The following KLF12 variants were observed in gnomAD, a reference collection of about 807,000 sequenced individuals.
The protein encoded by KLF12 is Krueppel-like factor 12.
A neutral mutation model predicts 37.8 loss-of-function variants in KLF12; 9 were observed. The observed-to-expected ratio is 0.24, with a 90% CI of 0.14 to 0.42. The LOEUF (loss-of-function observed/expected upper bound fraction) is 0.42, where lower values mean the gene tolerates loss of function less well. KLF12 is among the 10% of genes least tolerant of loss of function. The pLI is 1.00. For missense variants in KLF12, 411 were observed against 516.0 expected (o/e 0.80, Z 1.97); for synonymous variants, 208 against 202.1 (o/e 1.03, Z -0.25).
chr13:73,983,212 A>C (rs899348065), intron 2 of KLF12, among the ~76,000 whole-genome samples: 2 of 152,148 alleles, frequency 1.3e-5, no homozygotes, highest in African/African-American at 4.8e-5. Context: ...CTATGGCTCA[A>C]CCAGAACGCC....
the KLF12 span, among the ~76,000 whole-genome samples, chr13:74,271,261 G>C: frequency 2.6e-5 from 4 of 152,074 alleles, no homozygotes; most frequent in African/African-American, 9.7e-5. Context: ...AAAAGGTTTG[G>C]GACTGCTAAA....
the KLF12 span, among the ~76,000 whole-genome samples, chr13:74,219,408 T>C: frequency 6.6e-6 from 1 of 152,366 alleles, no homozygotes; most frequent in Non-Finnish European, 1.5e-5. Flanking sequence ...ATACAAACTA[T>C]GAATGCATCA....
intron 7 of KLF12, among the ~76,000 whole-genome samples, chr13:73,699,467 A>G (rs1056843164): frequency 1.3e-5 from 2 of 152,158 alleles, no homozygotes; most frequent in Non-Finnish European, 2.9e-5. Flanking sequence ...CAGACCTAAA[A>G]ATATCCTCAG....
At chr13:73,972,946 C>T (rs2138118148) in intron 2 of KLF12, among the ~76,000 whole-genome samples, 1 of 152,062 alleles carries the variant, frequency 6.6e-6, no homozygotes, top group South Asian at 2.1e-4. Flanking sequence ...AACACTTCAT[C>T]ATTTTAAACT....
chr13:74,301,471 T>C, the KLF12 span, among the ~76,000 whole-genome samples: 7 of 152,218 alleles, frequency 4.6e-5, no homozygotes, highest in African/African-American at 1.7e-4. Context: ...AGATTAAATG[T>C]GATTTTAAAT....
At position 73,807,201 on chromosome 13, in the gene KLF12, T is replaced by C. The variant is rs377609366; in HGVS notation, c.806+5951A>G. 1.8e-3 allele frequency among the ~76,000 whole-genome samples: 268 copies of C among 151,778 alleles called. 3 individuals are homozygous for C. The highest frequency in any genetic ancestry group is 0.018 in the South Asian group (84 of 4,796). On this transcript the variant is annotated intron_variant, in intron 5 of 7. Transcript: ENST00000377669. The stretch of plus-strand genomic sequence containing the variant: ...CTTATGCTTGTTAATCCCAGCTACT[T>C]AGGATGCTGAGGCAGGAGAATCGCT...
the KLF12 span, among the ~76,000 whole-genome samples, chr13:74,235,643 T>A: frequency 2.6e-5 from 4 of 152,236 alleles, no homozygotes; most frequent in African/African-American, 9.6e-5. Flanking sequence ...AATTTATTTC[T>A]ATTTACACTT....
chr13:73,928,837 T>C (rs181198524), intron 3 of KLF12, among the ~76,000 whole-genome samples: 19 of 152,268 alleles, frequency 1.2e-4, no homozygotes, highest in Non-Finnish European at 2.6e-4. Flanking sequence ...GCTGTCCTCA[T>C]TGGTAAAGTG....
chr13:73,770,123 A>C (rs1278338480), intron 5 of KLF12, among the ~76,000 whole-genome samples: 1 of 152,238 alleles, frequency 6.6e-6, no homozygotes, highest in Non-Finnish European at 1.5e-5. Flanking sequence ...AGAAAAGATT[A>C]ACCTAAAATA....
intron 6 of KLF12, among the ~76,000 whole-genome samples, chr13:73,762,254 A>C (rs1396083673): frequency 6.6e-6 from 1 of 152,092 alleles, no homozygotes; most frequent in African/African-American, 2.4e-5. Context: ...ATTCCAGTGG[A>C]TTTTGTTTGC....
the KLF12 span, among the ~76,000 whole-genome samples, chr13:74,288,677 T>G: frequency 6.6e-6 from 1 of 152,144 alleles, no homozygotes; most frequent in African/African-American, 2.4e-5. Context: ...GACTGGTGGG[T>G]TTCAGCGGCA....
In KLF12 at chr13:73,914,608, G is replaced by A. The variant is rs117341171; in HGVS notation, c.123+29373C>T. Among the ~76,000 whole-genome samples the A allele has an allele frequency of 2.6e-3, 400 of 152,278 alleles. 5 individuals are homozygous for A. Among genetic ancestry groups the A allele is most frequent in the Middle Eastern group, 3.4e-3 (1 of 294 alleles). On this transcript the variant is annotated intron_variant, in intron 3 of 7. Coordinates refer to ENST00000377669, the MANE Select transcript of KLF12 (RefSeq NM_007249.5). ...GCAAATTTAAACAAGGTTGGAGAACGCCTCTGTGAAGGACCTTCTTCCCCA... is the reference window on the plus strand; with the variant it reads ...GCAAATTTAAACAAGGTTGGAGAACACCTCTGTGAAGGACCTTCTTCCCCA...
At chr13:73,961,698 C>A (rs1036950280) in intron 2 of KLF12, among the ~76,000 whole-genome samples, 16 of 152,234 alleles carry the variant, frequency 1.1e-4, no homozygotes, top group Non-Finnish European at 1.6e-4. Flanking sequence ...TTTAGGGCAA[C>A]AGACACCTTA....
intron 1 of KLF12, among the ~76,000 whole-genome samples, chr13:74,089,052 C>A (rs3945765): frequency 0.13 from 19,548 of 152,106 alleles, 1,492 homozygotes; most frequent in Non-Finnish European, 0.18. Flanking sequence ...AATTCTGATG[C>A]GTAATTATCA....
At chr13:74,295,002 T>C in the KLF12 span, among the ~76,000 whole-genome samples, 675 of 152,320 alleles carry the variant, frequency 4.4e-3, 5 homozygotes, top group African/African-American at 0.014. Flanking sequence ...GCATAGGCTC[T>C]GTCCCCTGAC....
At chr13:74,072,285 A>G (rs1296608745) in intron 1 of KLF12, among the ~76,000 whole-genome samples, 1 of 149,674 alleles carries the variant, frequency 6.7e-6, no homozygotes, top group Non-Finnish European at 1.5e-5. Flanking sequence ...TGAAAATATG[A>G]TAATGAAAAA....
intron 4 of KLF12, among the ~76,000 whole-genome samples, chr13:73,831,137 T>C (rs752359679): frequency 2.0e-5 from 3 of 152,148 alleles, no homozygotes; most frequent in Middle Eastern, 3.2e-3. Flanking sequence ...AATTATGGAA[T>C]TGGATATTTA....
chr13:73,767,556 C>A (rs568016127), intron 5 of KLF12, among the ~76,000 whole-genome samples: 28 of 152,314 alleles, frequency 1.8e-4, no homozygotes, highest in African/African-American at 6.5e-4. Flanking sequence ...CTGAGACTGA[C>A]AGTTTGTCAG....
At chr13:73,698,965 C>CTCAAAT (rs1298106077) in intron 7 of KLF12, among the ~76,000 whole-genome samples, 1 of 152,094 alleles carries the variant, frequency 6.6e-6, no homozygotes, top group Admixed American at 6.5e-5. Flanking sequence ...AAATTAGGAT[C>CTCAAAT]CTCGATTCAA....
Sources: allele counts gnomAD v4.1 joint callset (sites outside exome capture counted in the v4.1 genomes callset), GRCh38; gene constraint gnomAD v4.1.1; transcripts MANE v1.5; gene names NCBI Gene and HGNC (gene_info 2026-07-23, HGNC 2026-07-21).